The following PCBP3 variants were observed in gnomAD, a reference collection of about 807,000 sequenced individuals.
PCBP3 encodes poly(rC)-binding protein 3.
A neutral mutation model predicts 52.7 loss-of-function variants in PCBP3; 25 were observed. The observed-to-expected ratio is 0.47, with a 90% CI of 0.35 to 0.66. The LOEUF is 0.66. Ranked by LOEUF, PCBP3 falls within the 30% of genes least tolerant of loss-of-function variation. The probability of loss-of-function intolerance (pLI) is 0.01; values close to 1 mark genes in which losing one functional copy is unlikely to be tolerated. For missense variants in PCBP3, 391 were observed against 490.3 expected (o/e 0.80, Z 1.91); for synonymous variants, 162 against 183.0 (o/e 0.89, Z 0.93).
At chr21:45,687,552 A>C (rs1019706786) in intron 2 of PCBP3, among the ~76,000 whole-genome samples, 2 of 152,200 alleles carry the variant, frequency 1.3e-5, no homozygotes, top group African/African-American at 4.8e-5. Context: ...CAACAGTATC[A>C]AAATTATAGT....
chr21:45,722,106 T>C (rs1156599004), intron 2 of PCBP3, among the ~76,000 whole-genome samples: 4 of 152,192 alleles, frequency 2.6e-5, no homozygotes, highest in Admixed American at 2.6e-4. Flanking sequence ...GCAACCCAAA[T>C]ACCCAGTAAT....
rs980915322 is a variant in PCBP3, at chr21:45,832,123, A to T, written c.-125-17838A>T. Reference sequence around the variant, plus strand: ...TGGTTCTTGATTGTATACTAAACAAAGGGGGGATTATTCATGAGTGTTCTG... The same window carrying T: ...TGGTTCTTGATTGTATACTAAACAATGGGGGGATTATTCATGAGTGTTCTG... On this transcript the variant is annotated intron_variant, in intron 4 of 17. Coordinates refer to ENST00000681687, the MANE Select transcript of PCBP3 (RefSeq NM_001384156.1). Among the ~76,000 whole-genome samples, 63 of 152,178 alleles carry T rather than the reference A, an allele frequency of 4.1e-4. 1 individual carries two copies. Among genetic ancestry groups the T allele is most frequent in the South Asian group, 4.1e-4 (2 of 4,830 alleles).
rs1283249975 is a variant in PCBP3 at position 45,805,838 on chromosome 21, C to G, written c.-125-44123C>G. 6.6e-6 allele frequency among the ~76,000 whole-genome samples: 1 copy of G among 152,092 alleles called. No homozygotes were observed. The highest frequency in any genetic ancestry group is 2.1e-4 in the South Asian group (1 of 4,824). On this transcript the variant is annotated intron_variant, in intron 4 of 17. Transcript: ENST00000681687. The surrounding 1 kb of genome is among the most constrained non-coding windows in gnomAD (Gnocchi z 4.6). ...TTCTGTGGCAGCGAAGGTGGCATTC[C>G]CTCCTAGCACCTGCACACTCGGATG...
At chr21:45,899,092 G>GT (rs753481768) in intron 6 of PCBP3, among the ~76,000 whole-genome samples, 4 of 152,244 alleles carry the variant, frequency 2.6e-5, no homozygotes, top group Non-Finnish European at 5.9e-5. Context: ...AGCGGGGAAC[G>GT]TGTGTCCCGA....
chr21:45,647,922 CT>C lies in PCBP3; in HGVS notation c.-279+4055del, dbSNP rs570176139. Among the ~76,000 whole-genome samples, 508 of 152,168 alleles carry C rather than the reference CT, an allele frequency of 3.3e-3. 1 individual carries two copies. Among genetic ancestry groups the C allele is most frequent in the Non-Finnish European group, 6.0e-3 (410 of 67,996 alleles). On this transcript the variant is annotated intron_variant, in intron 1 of 17. Transcript: ENST00000681687. ...TTATCCTGGATTATCTGGGTGGGCT[CT>C]GAGTAATCACAAGGGTTCTTAAAAG...
chr21:45,935,149 C>G (rs1025348488), intron 15 of PCBP3, 104 bp from the exon 16 acceptor site: 4 of 784,008 alleles, frequency 5.1e-6, no homozygotes, highest in Non-Finnish European at 8.7e-6. Flanking sequence ...TGGGCCAGCT[C>G]TACAGCCCTG....
At chr21:45,710,752 A>G (rs1239146179) in intron 2 of PCBP3, among the ~76,000 whole-genome samples, 1 of 152,194 alleles carries the variant, frequency 6.6e-6, no homozygotes, top group Non-Finnish European at 1.5e-5. Context: ...CTCACTGAGG[A>G]TGGAGTGTCT....
intron 5 of PCBP3, among the ~76,000 whole-genome samples, chr21:45,882,508 A>G (rs898336000): frequency 6.6e-6 from 1 of 152,016 alleles, no homozygotes; most frequent in Non-Finnish European, 1.5e-5. Flanking sequence ...TTTGCTGTGC[A>G]GAAGCTTTTC....
At position 45,762,149 on chromosome 21, in the gene PCBP3, G is replaced by A. The variant is rs1039913099; in HGVS notation, c.-126+6697G>A. On this transcript the variant is annotated intron_variant, in intron 4 of 17. Coordinates refer to ENST00000681687, the MANE Select transcript of PCBP3 (RefSeq NM_001384156.1). ...CCAGAATTCAGGGGTACCTTTCGTG[G>A]GTGGGTCTGGCTTGGGGTCTCTTTT... 3.9e-5 allele frequency: 6 copies of A among 152,372 alleles called. 1 individual carries two copies. The highest frequency in any genetic ancestry group is 1.4e-4 in the African/African-American group (6 of 41,556). The allele number at this position is 152,372 out of a possible 1,614,324, so 9.4% of individuals were successfully genotyped here. A position where few individuals can be genotyped will look rare whatever the true frequency, so the allele number is the denominator to read the frequency against.
chr21:45,752,037 C>A (rs1276178550), intron 3 of PCBP3, among the ~76,000 whole-genome samples: 2 of 151,828 alleles, frequency 1.3e-5, no homozygotes, highest in Non-Finnish European at 2.9e-5. Context: ...ATTTCTTTTC[C>A]TGTGGAATAT....
intron 4 of PCBP3, among the ~76,000 whole-genome samples, chr21:45,775,084 A>G (rs1241092353): frequency 2.6e-5 from 4 of 152,252 alleles, no homozygotes; most frequent in South Asian, 2.1e-4. Flanking sequence ...CTGGAGGATT[A>G]GTATTAGTTT....
Position 45,791,534 on chromosome 21 carries a change from G to T in PCBP3, c.-126+36082G>T, listed in dbSNP as rs991643870. 6.6e-6 allele frequency among the ~76,000 whole-genome samples: 1 copy of T among 152,196 alleles called. No individual in the cohort carries two copies. Reference sequence around the variant, plus strand: ...AAGGCAGAGAGGAGACGATGGTCTCGCGGCGTGATCTGGGCTAGGGAAGGA... The same window carrying T: ...AAGGCAGAGAGGAGACGATGGTCTCTCGGCGTGATCTGGGCTAGGGAAGGA... On this transcript the variant is annotated intron_variant, in intron 4 of 17. Transcript: ENST00000681687. The surrounding 1 kb of genome is among the most constrained non-coding windows in gnomAD (Gnocchi z 4.2).
At chr21:45,645,884 C>A (rs1360455340) in intron 1 of PCBP3, among the ~76,000 whole-genome samples, 2 of 152,140 alleles carry the variant, frequency 1.3e-5, no homozygotes, top group African/African-American at 4.8e-5. Context: ...GGGCCATAAC[C>A]AAGGAAAATA....
At chr21:45,823,769 T>G (rs1411511876) in intron 4 of PCBP3, among the ~76,000 whole-genome samples, 1 of 151,436 alleles carries the variant, frequency 6.6e-6, no homozygotes, top group Non-Finnish European at 1.5e-5. Flanking sequence ...TGAGATGGAG[T>G]CCCTTTCTGT....
At chr21:45,651,065 A>G (rs1470382571) in intron 1 of PCBP3, among the ~76,000 whole-genome samples, 1 of 152,162 alleles carries the variant, frequency 6.6e-6, no homozygotes, top group East Asian at 1.9e-4. Context: ...CCTGGCAAAC[A>G]CTTTGAATGC....
intron 16 of PCBP3, among the ~76,000 whole-genome samples, chr21:45,937,534 A>G (rs1035600179): frequency 2.0e-4 from 31 of 152,350 alleles, no homozygotes; most frequent in African/African-American, 6.5e-4. Flanking sequence ...AGAGGCTGCA[A>G]TGGGAGTTGT....
chr21:45,849,686 C>T (rs2093918354), intron 4 of PCBP3, among the ~76,000 whole-genome samples: 1 of 151,054 alleles, frequency 6.6e-6, no homozygotes, highest in Non-Finnish European at 1.5e-5. Context: ...TAAGTAAGTG[C>T]AATTTTATCA....
chr21:45,931,774 A>G lies in PCBP3; in HGVS notation c.856+929A>G, dbSNP rs56216510. Among the ~76,000 whole-genome samples, 751 of 116,890 alleles carry G rather than the reference A, an allele frequency of 6.4e-3. 5 individuals are homozygous for G. The highest frequency in any genetic ancestry group is 0.026 in the Middle Eastern group (4 of 154). 76.7% of individuals were successfully genotyped at this position (116,890 alleles called of 152,430 possible). A position where few individuals can be genotyped will look rare whatever the true frequency, so the allele number is the denominator to read the frequency against. ...GAACACATCAGCCATGCTGTCCTGA[A>G]ATGAATGAACACATCGGCCATGCTG... On this transcript the variant is annotated intron_variant, in intron 15 of 17. Transcript: ENST00000681687.
At chr21:45,728,386 G>T (rs553314103) in intron 2 of PCBP3, among the ~76,000 whole-genome samples, 1 of 152,218 alleles carries the variant, frequency 6.6e-6, no homozygotes, top group African/African-American at 2.4e-5. Flanking sequence ...GAATTACATT[G>T]ATAGCTTTAA....
Sources: allele counts gnomAD v4.1 joint callset (sites outside exome capture counted in the v4.1 genomes callset), GRCh38; gene constraint gnomAD v4.1.1; non-coding constraint Gnocchi (gnomAD v3.1); transcripts MANE v1.5; gene names NCBI Gene and HGNC (gene_info 2026-07-23, HGNC 2026-07-21).